Variants in TENM2 observed in about 807,000 individuals in gnomAD.
TENM2 encodes teneurin-2.
Under a neutral mutation model 245.2 loss-of-function variants are expected in TENM2, and 52 were observed. The observed-to-expected ratio is 0.21, with a 90% CI of 0.17 to 0.27. The LOEUF (loss-of-function observed/expected upper bound fraction) is 0.27, where lower values mean the gene tolerates loss of function less well. Among genes scored for constraint, TENM2 ranks in the 10% least tolerant of loss-of-function variants. The probability of loss-of-function intolerance (pLI) is 1.00; values close to 1 mark genes in which losing one functional copy is unlikely to be tolerated. For missense variants in TENM2, 3,046 were observed against 3,666.8 expected (o/e 0.83, Z 4.37); for synonymous variants, 1,363 against 1,438.9 (o/e 0.95, Z 1.19).
the TENM2 span, among the ~76,000 whole-genome samples, chr5:167,241,253 C>T: frequency 9.9e-5 from 15 of 151,934 alleles, no homozygotes; most frequent in Non-Finnish European, 1.8e-4. Context: ...CATAGTCAGG[C>T]GGGTTAGAAG....
chr5:166,992,087 G>C, the TENM2 span, among the ~76,000 whole-genome samples: 1 of 149,390 alleles, frequency 6.7e-6, no homozygotes, highest in Non-Finnish European at 1.5e-5. Flanking sequence ...CTATTAAGAA[G>C]AGCATTCAAT....
In TENM2 at chr5:167,522,699, A is replaced by G. The variant is rs10063209; in HGVS notation, c.502+147226A>G. 4.5e-3 allele frequency among the ~76,000 whole-genome samples: 692 copies of G among 152,200 alleles called. 6 individuals carry two copies. The highest frequency in any genetic ancestry group is 0.016 in the African/African-American group (645 of 41,544). On this transcript the variant is annotated intron_variant, in intron 2 of 28. Coordinates refer to ENST00000518659, the Ensembl canonical transcript of TENM2. ...GAGGAAAAATGAGTGAATCTCAACT[A>G]GATTCATCTAAGGGATAATGCCTGG...
At chr5:167,048,769 A>G in the TENM2 span, among the ~76,000 whole-genome samples, 1 of 152,204 alleles carries the variant, frequency 6.6e-6, no homozygotes, top group Admixed American at 6.5e-5. Context: ...TAAATTACAT[A>G]TAATTCCATG....
the TENM2 span, among the ~76,000 whole-genome samples, chr5:167,253,063 G>A: frequency 6.6e-6 from 1 of 151,868 alleles, no homozygotes; most frequent in South Asian, 2.1e-4. Context: ...TCTTGACTTG[G>A]TAACTTTGTG....
At chr5:168,021,775 C>CT (rs10563117) in intron 5 of TENM2, among the ~76,000 whole-genome samples, 1,494 of 143,460 alleles carry the variant, frequency 0.01, 16 homozygotes, top group Middle Eastern at 0.014. Flanking sequence ...TATTTGAAAT[C>CT]TTTTTTTTTT....
intron 1 of TENM2, among the ~76,000 whole-genome samples, chr5:167,363,350 C>G (rs2050811976): frequency 6.6e-6 from 1 of 152,080 alleles, no homozygotes; most frequent in South Asian, 2.1e-4. Flanking sequence ...GAATCAAATA[C>G]AAATTTTTTA....
the TENM2 span, among the ~76,000 whole-genome samples, chr5:167,073,727 T>C: frequency 6.6e-6 from 1 of 152,180 alleles, no homozygotes; most frequent in Non-Finnish European, 1.5e-5. Context: ...TGTGATTAGC[T>C]AGGCTACATA....
the TENM2 span, among the ~76,000 whole-genome samples, chr5:167,148,169 C>T: frequency 2.0e-5 from 3 of 152,112 alleles, no homozygotes; most frequent in Non-Finnish European, 4.4e-5. Flanking sequence ...AAGAATGTTC[C>T]ACAACCCCTG....
chr5:168,042,024 T>C (rs1483276120), intron 5 of TENM2, among the ~76,000 whole-genome samples: 1 of 152,170 alleles, frequency 6.6e-6, no homozygotes, highest in Admixed American at 6.5e-5. Context: ...ACTTTTGGAA[T>C]TGGTATATTT....
chr5:168,219,824 CAAAAAAAAAA>C lies in TENM2; in HGVS notation c.5108+841_5108+850del, dbSNP rs70976468. 1.4e-4 allele frequency among the ~76,000 whole-genome samples: 7 copies of C among 49,818 alleles called. 1 individual carries two copies. The highest frequency in any genetic ancestry group is 6.8e-4 in the East Asian group (1 of 1,466). 32.7% of individuals were successfully genotyped at this position (49,818 alleles called of 152,430 possible). On this transcript the variant is annotated intron_variant, in intron 23 of 28. Transcript: ENST00000518659. The stretch of plus-strand genomic sequence containing the variant: ...GTTAAGTTAGGGAGAGTTGGCACAG[CAAAAAAAAAA>C]AAAAAAAAAAAAAAAGCGGGGGACA...
intron 2 of TENM2, among the ~76,000 whole-genome samples, chr5:167,566,368 T>C (rs1471856364): frequency 6.6e-6 from 1 of 152,156 alleles, no homozygotes; most frequent in East Asian, 1.9e-4. Context: ...TCACATTACA[T>C]ATTTTAGTGC....
the TENM2 span, among the ~76,000 whole-genome samples, chr5:167,097,639 A>G: frequency 2.0e-5 from 3 of 152,242 alleles, no homozygotes; most frequent in African/African-American, 7.2e-5. Context: ...TGAATAAGAC[A>G]GTGCTTTTTG....
At chr5:167,895,886 C>A in intron 3 of TENM2, among the ~76,000 whole-genome samples, 1 of 152,204 alleles carries the variant, frequency 6.6e-6, no homozygotes, top group African/African-American at 2.4e-5. Flanking sequence ...ACAGGGAGCT[C>A]AACAATTCAT....
At chr5:167,150,232 C>G in the TENM2 span, among the ~76,000 whole-genome samples, 3 of 152,166 alleles carry the variant, frequency 2.0e-5, no homozygotes, top group African/African-American at 4.8e-5. Flanking sequence ...TTCCTTTCAG[C>G]AACCATCATC....
the TENM2 span, among the ~76,000 whole-genome samples, chr5:167,250,784 A>T: frequency 6.6e-6 from 1 of 152,170 alleles, no homozygotes; most frequent in East Asian, 1.9e-4. Flanking sequence ...GTGCATCTCA[A>T]TACAAAAATT....
intron 2 of TENM2, among the ~76,000 whole-genome samples, chr5:167,566,771 T>C (rs1007494734): frequency 1.3e-5 from 2 of 152,230 alleles, no homozygotes; most frequent in Non-Finnish European, 1.5e-5. Context: ...TAGAGTTTCA[T>C]TGAGGCCAAC....
intron 2 of TENM2, among the ~76,000 whole-genome samples, chr5:167,463,658 C>T (rs1045779033): frequency 2.0e-5 from 3 of 151,932 alleles, no homozygotes; most frequent in African/African-American, 7.3e-5. Context: ...ACCATCATGC[C>T]CAGCTAATGT....
At chr5:167,203,682 A>G in the TENM2 span, among the ~76,000 whole-genome samples, 2 of 152,238 alleles carry the variant, frequency 1.3e-5, no homozygotes, top group South Asian at 4.1e-4. Context: ...GGTTTAAAAC[A>G]TAACAAGCTA....
chr5:167,817,373 TATC>T (rs1343404395), intron 2 of TENM2, among the ~76,000 whole-genome samples: 2 of 152,216 alleles, frequency 1.3e-5, no homozygotes, highest in Non-Finnish European at 2.9e-5. Context: ...AGGGTGCAAT[TATC>T]TATTTAACTA....
Sources: allele counts gnomAD v4.1 joint callset (sites outside exome capture counted in the v4.1 genomes callset), GRCh38; gene constraint gnomAD v4.1.1; transcripts MANE v1.5; gene names NCBI Gene and HGNC (gene_info 2026-07-23, HGNC 2026-07-21).